GALM: variants seen among roughly 807,000 people sequenced by gnomAD.
GALM encodes aldose 1-epimerase.
A neutral mutation model predicts 37.4 loss-of-function variants in GALM; 43 were observed. The observed-to-expected ratio is 1.15, with a 90% confidence interval of 0.90 to 1.48. The LOEUF is 1.48. Among genes scored for constraint, GALM ranks in the 40% most tolerant of loss-of-function variants. GALM has a pLI of 0.00. For synonymous variants in GALM, 199 were observed against 170.6 expected, an observed-to-expected ratio of 1.17 and a Z score of -1.30; for missense variants, 456 against 419.1, an observed-to-expected ratio of 1.09 and a Z score of -0.77.
rs1281945679 is a variant in GALM at position 38,681,410 on chromosome 2, T to G, written c.476T>G (p.Val159Gly). The change falls in exon 3 of 7, where the codon GTC becomes GGC. Residue 159 changes from valine to glycine, a missense_variant. Transcript: ENST00000272252. ...ACCCTGGATGGCGGAGAGCTCATAG[T>G]CAACTACAGAGCACAAGCCAGTCAG... ...TYTLDGGELI[V>G]NYRAQASQAT... is the part of the protein sequence containing the mutation. 6.2e-7 allele frequency: 1 copy of G among 1,614,016 alleles called. No individual in the cohort carries two copies. Among genetic ancestry groups the G allele is most frequent in the Non-Finnish European group, 8.5e-7 (1 of 1,179,992 alleles).
chr2:38,726,753 G>C (rs1017938248), intron 4 of GALM, among the ~76,000 whole-genome samples: 1 of 151,664 alleles, frequency 6.6e-6, no homozygotes, highest in African/African-American at 2.4e-5. Context: ...ACAATTAGCT[G>C]GGTGTGGTGG....
intron 4 of GALM, among the ~76,000 whole-genome samples, chr2:38,697,398 T>G (rs1665833871): frequency 6.6e-6 from 1 of 152,202 alleles, no homozygotes; most frequent in African/African-American, 2.4e-5. Flanking sequence ...TTTCATAGTC[T>G]CTCTTTAACT....
chr2:38,726,478 G>A (rs545208159), intron 4 of GALM, among the ~76,000 whole-genome samples: 66 of 151,322 alleles, frequency 4.4e-4, no homozygotes, highest in South Asian at 6.3e-4. Flanking sequence ...CGCCCGCCTC[G>A]GCCTGCCAAC....
At chr2:38,690,566 G>A (rs552437914) in intron 4 of GALM, among the ~76,000 whole-genome samples, 1 of 152,040 alleles carries the variant, frequency 6.6e-6, no homozygotes, top group Admixed American at 6.6e-5. Context: ...TCCACTTCCT[G>A]AGTAGCTGGG....
chr2:38,706,684 C>A (rs1253724866), intron 4 of GALM, among the ~76,000 whole-genome samples: 1 of 151,490 alleles, frequency 6.6e-6, no homozygotes, highest in African/African-American at 2.4e-5. Flanking sequence ...AGAAATATCA[C>A]CCCAGCAACT....
chr2:38,702,130 T>C (rs1665933375), intron 4 of GALM, among the ~76,000 whole-genome samples: 1 of 152,008 alleles, frequency 6.6e-6, no homozygotes, highest in African/African-American at 2.4e-5. Flanking sequence ...CTTCATAAAG[T>C]GGGATCAATG....
chr2:38,708,702 C>T (rs2148447242), intron 4 of GALM, among the ~76,000 whole-genome samples: 1 of 146,044 alleles, frequency 6.8e-6, no homozygotes, highest in Non-Finnish European at 1.5e-5. Context: ...GCACTCCAGC[C>T]TGGGTGATAG....
intron 3 of GALM, among the ~76,000 whole-genome samples, chr2:38,682,675 T>A (rs1665424708): frequency 6.6e-6 from 1 of 152,132 alleles, no homozygotes; most frequent in Non-Finnish European, 1.5e-5. Flanking sequence ...GATGAGTGAA[T>A]CACCTGAGGT....
chr2:38,706,037 A>G (rs1283380074), intron 4 of GALM, among the ~76,000 whole-genome samples: 2 of 149,940 alleles, frequency 1.3e-5, no homozygotes, highest in Middle Eastern at 3.5e-3. Context: ...ACAAAGTCTC[A>G]CTCTGTTGCC....
intron 4 of GALM, among the ~76,000 whole-genome samples, chr2:38,708,000 G>C (rs897203683): frequency 6.6e-6 from 1 of 152,006 alleles, no homozygotes; most frequent in Non-Finnish European, 1.5e-5. Flanking sequence ...CAAGCTGCTC[G>C]GTAGGCTAAG....
intron 3 of GALM, among the ~76,000 whole-genome samples, chr2:38,683,917 C>T (rs1176369019): frequency 6.6e-6 from 1 of 152,042 alleles, no homozygotes; most frequent in Non-Finnish European, 1.5e-5. Context: ...TCTTAGTAAG[C>T]GTAGCTTGAA....
intron 4 of GALM, among the ~76,000 whole-genome samples, chr2:38,691,711 T>A (rs1011127603): frequency 2.0e-5 from 3 of 150,016 alleles, no homozygotes; most frequent in African/African-American, 7.3e-5. Context: ...AATATATGTG[T>A]TATATTTCAG....
intron 4 of GALM, among the ~76,000 whole-genome samples, chr2:38,703,857 C>G (rs1665980536): frequency 6.6e-6 from 1 of 151,778 alleles, no homozygotes; most frequent in Non-Finnish European, 1.5e-5. Flanking sequence ...TGTGAAAATA[C>G]AAAAACAATC....
intron 3 of GALM, among the ~76,000 whole-genome samples, chr2:38,687,207 G>GGA (rs938385151): frequency 5.3e-5 from 8 of 152,252 alleles, no homozygotes; most frequent in African/African-American, 1.9e-4. Context: ...GAGGATGGCA[G>GGA]GAGAGAGAGC....
intron 4 of GALM, among the ~76,000 whole-genome samples, chr2:38,718,265 T>A (rs1666310227): frequency 6.8e-6 from 1 of 147,874 alleles, no homozygotes; most frequent in African/African-American, 2.5e-5. Context: ...AGTGGCGCAA[T>A]CTCGGCCCAC....
chr2:38,675,533 TTTTTTTTTTTTGTGTGTGTG>T (rs1665230039), intron 1 of GALM, among the ~76,000 whole-genome samples: 1 of 89,584 alleles, frequency 1.1e-5, no homozygotes, highest in African/African-American at 6.4e-5. Context: ...TTTGTTTTTT[TTTTTTTTTTTTGTGTGTGTG>T]TGTGTGTGTG....
intron 4 of GALM, among the ~76,000 whole-genome samples, chr2:38,727,533 T>C (rs571367002): frequency 6.6e-6 from 1 of 151,332 alleles, no homozygotes; most frequent in South Asian, 2.1e-4. Flanking sequence ...TCGAGACCAC[T>C]CTGGCCAATA....
intron 4 of GALM, among the ~76,000 whole-genome samples, chr2:38,696,433 C>CTTTTTTTTTTTTT (rs35556554): frequency 1.5e-5 from 2 of 136,518 alleles, no homozygotes; most frequent in South Asian, 2.3e-4. Context: ...TTTTTCTTTT[C>CTTTTTTTTTTTTT]TTTTTTTTTT....
chr2:38,704,311 A>G (rs1450887521), intron 4 of GALM, among the ~76,000 whole-genome samples: 2 of 151,610 alleles, frequency 1.3e-5, no homozygotes, highest in East Asian at 3.9e-4. Context: ...CGGTCATCCC[A>G]CCTCAGCCTC....
Sources: gnomAD v4.1 joint callset for allele counts (sites outside exome capture counted in the v4.1 genomes callset) on GRCh38, gnomAD v4.1.1 for gene constraint, MANE v1.5 for transcripts, NCBI Gene and HGNC (gene_info 2026-07-23, HGNC 2026-07-21) for gene names.